Variants in SPATC1 observed in about 807,000 individuals in gnomAD.
SPATC1 encodes speriolin.
In SPATC1, 35 loss-of-function variants were observed where a neutral mutation model predicts 36.5. That is an observed-to-expected ratio of 0.96 (90% CI 0.73 to 1.27). The LOEUF (loss-of-function observed/expected upper bound fraction) is 1.27, where lower values mean the gene tolerates loss of function less well. SPATC1 is among the 50% of genes most tolerant of loss of function. The pLI, the probability that SPATC1 is intolerant of heterozygous loss-of-function variation, is 0.00. For synonymous variants in SPATC1, 361 were observed against 353.6 expected, an observed-to-expected ratio of 1.02 and a Z score of -0.24; for missense variants, 779 against 796.0, an observed-to-expected ratio of 0.98 and a Z score of 0.26.
intron 1 of SPATC1, among the ~76,000 whole-genome samples, chr8:144,028,972 T>C (rs1307217045): frequency 1.3e-5 from 2 of 152,048 alleles, no homozygotes; most frequent in Non-Finnish European, 2.9e-5. Context: ...AAACACTGCA[T>C]GTTCTCACTC....
rs1554752628 is a variant in SPATC1, at chr8:144,012,694, C to T, written c.179C>T (p.Ala60Val). 6.4e-7 allele frequency: 1 copy of T among 1,551,652 alleles called. No homozygotes were observed. Among genetic ancestry groups the T allele is most frequent in the South Asian group, 1.2e-5 (1 of 84,058 alleles). ...GGGTTCACGAGTGGGCTTGGTGAGG[C>T]AACAGCAGGCCTTTCCTCACGCCAG... ...ISGFTSGLGE[A>V]TAGLSSRQNN... Residue 60 changes from alanine (A) to valine (V), a missense_variant, in exon 1 of 5, where the codon GCA becomes GTA. Transcript: ENST00000377470.
At position 144,040,650 on chromosome 8, in the gene SPATC1, C is replaced by T. The variant is rs782353913; in HGVS notation, c.849C>T (p.Thr283=). 5 of 1,613,722 alleles carry T rather than the reference C, an allele frequency of 3.1e-6. No homozygotes were observed. The Admixed American group carries it at 5.0e-5, about 16-fold the overall frequency. ...SMAFAGAPLQ[T]STPIGAMGTP... is the part of the protein sequence containing the mutation. ...CGTTTGCAGGAGCACCCCTCCAGAC[C>T]TCCACCCCTATCGGAGCCATGGGCA... The change falls in exon 3 of 5, where the codon ACC becomes ACT. Residue 283 remains threonine (T), a synonymous_variant. Transcript: ENST00000377470.
rs782041859 is a variant in SPATC1, at chr8:144,040,732, A to G, written c.931A>G (p.Ser311Gly). 5 of 1,612,974 alleles carry G rather than the reference A, an allele frequency of 3.1e-6. No homozygotes were observed. In the South Asian group the frequency reaches 4.4e-5, roughly 14 times the overall value. The change falls in exon 3 of 5, where the codon AGT becomes GGT. Residue 311 changes from serine to glycine, a missense_variant. Physicochemically the swap from Ser to Gly is moderately conservative, Grantham distance 56. Transcript: ENST00000377470. ...FNTSDTQAQP[S>G]AAQEQVVPAS... ...CACTTCGGACACACAGGCCCAGCCC[A>G]GTGCCGCCCAGGAACAAGTGGTCCC... is the stretch of plus-strand genomic sequence containing the variant.
intron 1 of SPATC1, among the ~76,000 whole-genome samples, chr8:144,032,227 TC>T (rs1834812032): frequency 6.6e-6 from 1 of 152,144 alleles, no homozygotes. Flanking sequence ...CCTGCCCAGA[TC>T]GGTTGAATCC....
chr8:144,040,487 G>A, intron 2 of SPATC1, 24 bp downstream of exon 2: 1 of 1,568,314 alleles, frequency 6.4e-7, no homozygotes, highest in East Asian at 2.2e-5. Context: ...TGGGTGGTGG[G>A]TGGCAGAGTG....
At chr8:144,034,611 T>C (rs1834861969) in intron 1 of SPATC1, among the ~76,000 whole-genome samples, 1 of 151,920 alleles carries the variant, frequency 6.6e-6, no homozygotes, top group Non-Finnish European at 1.5e-5. Flanking sequence ...AATGCAACTC[T>C]CAGCTTTTAT....
intron 1 of SPATC1, among the ~76,000 whole-genome samples, chr8:144,037,645 A>G (rs1834939402): frequency 6.6e-6 from 1 of 151,904 alleles, no homozygotes; most frequent in African/African-American, 2.4e-5. Context: ...CCCTAATCTC[A>G]AGTACCCAGG....
At chr8:144,038,022 G>C (rs1278665579) in intron 1 of SPATC1, among the ~76,000 whole-genome samples, 1 of 151,546 alleles carries the variant, frequency 6.6e-6, no homozygotes, top group Non-Finnish European at 1.5e-5. Flanking sequence ...CCAGCTACGC[G>C]AGGCTGAGGC....
chr8:144,040,506 C>CAG lies in SPATC1; in HGVS notation c.766+46_766+47dup, dbSNP rs199673914. 1.5e-3 allele frequency: 2,357 copies of CAG among 1,559,344 alleles called. 25 individuals are homozygous for CAG. In the African/African-American group the frequency reaches 0.029, roughly 19 times the overall value. ...TGGTGGGTGGCAGAGTGGGGGGGGG[C>CAG]AGAGCCCTCCCACCTCACTCTAATC... On this transcript the variant is annotated intron_variant, in intron 2 of 4. Coordinates refer to ENST00000377470, the MANE Select transcript of SPATC1 (RefSeq NM_198572.3).
intron 3 of SPATC1, 59 bp downstream of exon 3, chr8:144,041,166 G>A: frequency 6.3e-7 from 1 of 1,597,634 alleles, no homozygotes; most frequent in Non-Finnish European, 8.5e-7. Flanking sequence ...CCTGCCGCCT[G>A]CCTGGGCTGC....
chr8:144,040,766 TC>T lies in SPATC1; in HGVS notation c.969del (p.Thr324ProfsTer92). On this transcript the variant is annotated frameshift_variant, in exon 3 of 5. Transcript: ENST00000377470. LOFTEE classifies it high-confidence loss of function. ...CAGGAACAAGTGGTCCCTGCATCTG[TC>T]CCCACCTCCCCCACCACCTCCCCCA... Reference protein sequence around the residue: ...AAQEQVVPASVPTSPTTSPTV... With the variant: ...AAQEQVVPASXPTSPTTSPTV... The T allele has an allele frequency of 6.2e-7, 1 of 1,601,882 alleles. No individual in the cohort carries two copies. Among genetic ancestry groups the T allele is most frequent in the Non-Finnish European group, 8.5e-7 (1 of 1,175,080 alleles).
rs1184295434 is a variant in SPATC1, at chr8:144,028,360, GAA to G, written c.212-11539_212-11538del. 6.4e-4 allele frequency among the ~76,000 whole-genome samples: 94 copies of G among 145,916 alleles called. 1 individual carries two copies. The highest frequency in any genetic ancestry group is 2.1e-3 in the African/African-American group (85 of 39,788). ...ACAAGGAACTCAAACAAATTTACAA[GAA>G]AAAAAAAAACCCATTAAAAAGTGGG... On this transcript the variant is annotated intron_variant, in intron 1 of 4. Coordinates refer to ENST00000377470, the MANE Select transcript of SPATC1 (RefSeq NM_198572.3).
At position 144,040,574 on chromosome 8, in the gene SPATC1, T is replaced by G; in HGVS notation, c.773T>G (p.Leu258Arg). ...GTTCCCTCCACATCACTAGTCCCAC[T>G]CTCCACTGAGCCCCCCCAGTCGACC... ...VVPTATTKVP[L>R]STEPPQSTQD... The change falls in exon 3 of 5, where the codon CTC becomes CGC. Residue 258 changes from leucine to arginine, a missense_variant. Physicochemically the swap from Leu to Arg is moderately radical, Grantham distance 102. Transcript: ENST00000377470. 1 of 1,589,270 alleles carries G rather than the reference T, an allele frequency of 6.3e-7. No homozygotes were observed. Among genetic ancestry groups the G allele is most frequent in the Non-Finnish European group, 8.6e-7 (1 of 1,168,034 alleles).
intron 1 of SPATC1, among the ~76,000 whole-genome samples, chr8:144,018,991 G>A (rs1834448690): frequency 1.4e-5 from 2 of 140,450 alleles, no homozygotes; most frequent in South Asian, 4.7e-4. Flanking sequence ...GCAGTGAGCC[G>A]AGATCGCGCC....
chr8:144,037,575 A>G (rs1834936725), intron 1 of SPATC1, among the ~76,000 whole-genome samples: 1 of 152,206 alleles, frequency 6.6e-6, no homozygotes, highest in Non-Finnish European at 1.5e-5. Context: ...GGGGGGTGCA[A>G]GATGTGCTTT....
At chr8:144,042,308 TATA>T (rs1443546458) in intron 4 of SPATC1, among the ~76,000 whole-genome samples, 810 of 66,724 alleles carry the variant, frequency 0.012, 8 homozygotes, top group East Asian at 0.016. Context: ...TATATATATA[TATA>T]TTTTTTTTTT....
Position 144,040,140 on chromosome 8 carries a change from C to T in SPATC1, c.443C>T (p.Pro148Leu). 1 of 1,609,378 alleles carries T rather than the reference C, an allele frequency of 6.2e-7. No homozygotes were observed. Among genetic ancestry groups the T allele is most frequent in the South Asian group, 1.1e-5 (1 of 90,794 alleles). ...TSFLTSPIAG[P>L]LTGTLASSLG... is the part of the protein sequence containing the mutation. ...TTCCTGACCAGTCCCATTGCGGGAC[C>T]CCTAACAGGCACACTGGCCAGTTCC... Residue 148 changes from proline (P) to leucine (L), a missense_variant, in exon 2 of 5, where the codon CCC (proline) becomes CTC (leucine). Coordinates refer to ENST00000377470, the MANE Select transcript of SPATC1 (RefSeq NM_198572.3).
chr8:144,015,726 G>GACTTT (rs1834373245), intron 1 of SPATC1, among the ~76,000 whole-genome samples: 2 of 127,914 alleles, frequency 1.6e-5, no homozygotes, highest in Admixed American at 8.3e-5. Flanking sequence ...GGGCGACTGA[G>GACTTT]TGAGACTCTG....
rs988284323 is a variant in SPATC1, at chr8:144,030,606, G to A, written c.212-9303G>A. On this transcript the variant is annotated intron_variant, in intron 1 of 4. Transcript: ENST00000377470. ...ACTCCTGACACCAGGTGATCCACCC[G>A]CCTCAGCCTCCCAAAGTGCTGTGAT... Among the ~76,000 whole-genome samples, 47 of 152,106 alleles carry A rather than the reference G, an allele frequency of 3.1e-4. 1 individual carries two copies. The highest frequency in any genetic ancestry group is 8.9e-4 in the African/African-American group (37 of 41,398).
Sources: allele counts gnomAD v4.1 joint callset (sites outside exome capture counted in the v4.1 genomes callset), GRCh38; gene constraint gnomAD v4.1.1; transcripts MANE v1.5; gene names NCBI Gene and HGNC (gene_info 2026-07-23, HGNC 2026-07-21).